FRY: variants seen among roughly 807,000 people sequenced by gnomAD.
FRY encodes the protein FRY microtubule binding protein, also known as protein furry homolog.
A neutral mutation model predicts 348.4 loss-of-function variants in FRY; 128 were observed. The ratio of observed to expected loss-of-function variants is 0.37; its 90% CI spans 0.32 to 0.43. The LOEUF (loss-of-function observed/expected upper bound fraction) is 0.43. FRY is among the 20% of genes least tolerant of loss of function. FRY has a pLI of 1.00. For missense variants in FRY, 2,736 were observed against 3,695.2 expected (o/e 0.74, Z 6.73); for synonymous variants, 1,370 against 1,374.7 (o/e 1.00, Z 0.08).
At chr13:32,206,640 G>C (rs1245218679) in intron 31 of FRY, among the ~76,000 whole-genome samples, 4 of 152,178 alleles carry the variant, frequency 2.6e-5, no homozygotes, top group African/African-American at 7.2e-5. Context: ...GGAGAGAAGA[G>C]AGAAACAGTC....
intron 58 of FRY, among the ~76,000 whole-genome samples, chr13:32,281,471 A>C (rs1888802772): frequency 6.6e-6 from 1 of 152,222 alleles, no homozygotes. Flanking sequence ...TAAGGAGGGA[A>C]GATGCATAAA....
intron 7 of FRY, 136 bp from the exon 8 acceptor site, chr13:32,131,536 C>G: frequency 1.5e-6 from 1 of 678,486 alleles, no homozygotes. Flanking sequence ...CAAATCCTTA[C>G]AAAATCATGG....
chr13:32,245,493 A>T lies in FRY; in HGVS notation c.6828+1311A>T, dbSNP rs145686538. Among the ~76,000 whole-genome samples, 440 of 152,224 alleles carry T rather than the reference A, an allele frequency of 2.9e-3. 5 individuals are homozygous for T. The highest frequency in any genetic ancestry group is 9.7e-3 in the African/African-American group (404 of 41,560). On this transcript the variant is annotated intron_variant, in intron 47 of 60. Transcript: ENST00000542859. ...GCAAGGTGTGGTGGTGCACACCTATAGTCCCAGCTACTTAGGAGGCTGGGG... is the reference window on the plus strand; with the variant it reads ...GCAAGGTGTGGTGGTGCACACCTATTGTCCCAGCTACTTAGGAGGCTGGGG...
chr13:32,261,830 C>T lies in FRY; in HGVS notation c.7617+14C>T. On this transcript the variant is annotated intron_variant, in intron 52 of 60. Coordinates refer to ENST00000542859, the MANE Select transcript of FRY (RefSeq NM_023037.3). ...CACTCAGACCTAGTAAGTAGCGGCT[C>T]TCCCACTCTAAGAATTGGGAGGCTT... 6.2e-7 allele frequency: 1 copy of T among 1,611,642 alleles called. No homozygotes were observed. Among genetic ancestry groups the T allele is most frequent in the Non-Finnish European group, 8.5e-7 (1 of 1,177,730 alleles).
At chr13:32,034,307 T>TTATA (rs963529718) in intron 1 of FRY, among the ~76,000 whole-genome samples, 2 of 152,078 alleles carry the variant, frequency 1.3e-5, no homozygotes, top group Non-Finnish European at 2.9e-5. Flanking sequence ...GAAAATGTAA[T>TTATA]TATATATATA....
intron 51 of FRY, chr13:32,258,012 T>C (rs2520686): frequency 0.55 from 839,697 of 1,525,630 alleles, 235,927 homozygotes; most frequent in Middle Eastern, 0.59. Flanking sequence ...TGCTAGTAGA[T>C]GTTTTGCATC....
intron 31 of FRY, among the ~76,000 whole-genome samples, chr13:32,207,871 TG>T (rs1430833001): frequency 2.0e-5 from 3 of 152,232 alleles, no homozygotes; most frequent in Non-Finnish European, 4.4e-5. Flanking sequence ...ATTGCCACAC[TG>T]GATCATAACA....
At chr13:32,200,223 G>A (rs897747807) in intron 29 of FRY, among the ~76,000 whole-genome samples, 1 of 152,182 alleles carries the variant, frequency 6.6e-6, no homozygotes, top group Non-Finnish European at 1.5e-5. Flanking sequence ...ATTTCAGCAT[G>A]AGTTCTGGTG....
intron 8 of FRY, among the ~76,000 whole-genome samples, chr13:32,132,567 T>C (rs552334106): frequency 6.6e-6 from 1 of 152,260 alleles, no homozygotes; most frequent in East Asian, 1.9e-4. Context: ...CTGGTATGAG[T>C]GCAAAATGGC....
At chr13:32,292,689 G>A (rs575100641) in intron 59 of FRY, among the ~76,000 whole-genome samples, 44 of 152,152 alleles carry the variant, frequency 2.9e-4, no homozygotes, top group Non-Finnish European at 5.4e-4. Context: ...CTACTTGAGA[G>A]GCTGAGGTAA....
At chr13:32,120,774 G>A (rs187642902) in intron 4 of FRY, among the ~76,000 whole-genome samples, 40 of 152,326 alleles carry the variant, frequency 2.6e-4, no homozygotes, top group Non-Finnish European at 5.1e-4. Flanking sequence ...TGATTCTCCT[G>A]CCTCAGCCTC....
At position 32,231,158 on chromosome 13, in the gene FRY, AT is replaced by A; in HGVS notation, c.5406-17del. 2 of 1,611,354 alleles carry A rather than the reference AT, an allele frequency of 1.2e-6. No homozygotes were observed. Among genetic ancestry groups the A allele is most frequent in the Non-Finnish European group, 1.7e-6 (2 of 1,177,646 alleles). ...GCAAAATGACAGTTATATTTTTGAC[AT>A]TTTGTGTGTTTTGTTTAAGGGCATT... On this transcript the variant is annotated intron_variant, in intron 40 of 60. Transcript: ENST00000542859.
In FRY at chr13:32,178,911, A is replaced by G. The variant is rs773146544; in HGVS notation, c.2749A>G (p.Asn917Asp). 10 of 1,613,372 alleles carry G rather than the reference A, an allele frequency of 6.2e-6. No individual in the cohort carries two copies. In the South Asian group the frequency reaches 1.1e-4, roughly 18 times the overall value. The part of the protein sequence containing the change: ...SGDNYVTLWR[N>D]YLILCFGVAK... ...AGACAACTATGTTACTTTGTGGAGA[A>G]ATTACCTAATTCTTTGTTTTGGAGT... The change falls in exon 22 of 61, where the codon AAT becomes GAT. Residue 917 changes from asparagine (N) to aspartate (D), a missense_variant. Asn to Asp is a conservative substitution (Grantham distance 23, BLOSUM62 1). Transcript: ENST00000542859.
At chr13:32,085,957 A>G (rs1344413953) in intron 2 of FRY, 1 of 518,852 alleles carries the variant, frequency 1.9e-6, no homozygotes, top group African/African-American at 1.9e-5. Flanking sequence ...AGAGAAGACA[A>G]CACCCCCAAC....
intron 31 of FRY, among the ~76,000 whole-genome samples, chr13:32,207,280 TAGTGG>T (rs1346424912): frequency 6.6e-6 from 1 of 152,198 alleles, no homozygotes; most frequent in East Asian, 1.9e-4. Flanking sequence ...CAGATCCTTC[TAGTGG>T]AGTTTAAATA....
chr13:32,033,084 T>C (rs549573080), intron 1 of FRY, among the ~76,000 whole-genome samples: 1 of 152,338 alleles, frequency 6.6e-6, no homozygotes, highest in East Asian at 1.9e-4. Context: ...TTTGCACCAC[T>C]GTATACACTA....
At chr13:32,231,398 C>T in intron 41 of FRY, 98 bp downstream of exon 41, 5 of 1,183,060 alleles carry the variant, frequency 4.2e-6, no homozygotes, top group East Asian at 2.3e-5. Flanking sequence ...CGGTCCTGCA[C>T]TCCACATCCA....
chr13:32,052,197 A>C (rs74594112), intron 1 of FRY, among the ~76,000 whole-genome samples: 2,101 of 152,328 alleles, frequency 0.014, 48 homozygotes, highest in African/African-American at 0.048. Context: ...ACCACCTCCC[A>C]GTCTCACCTG....
chr13:32,067,330 C>T (rs1169535569), intron 1 of FRY, among the ~76,000 whole-genome samples: 2 of 151,924 alleles, frequency 1.3e-5, no homozygotes, highest in Non-Finnish European at 2.9e-5. Context: ...TTAGGTTAGA[C>T]ACAAGTCAGA....
Sources: allele counts gnomAD v4.1 joint callset (sites outside exome capture counted in the v4.1 genomes callset), GRCh38; gene constraint gnomAD v4.1.1; transcripts MANE v1.5; gene names NCBI Gene and HGNC (gene_info 2026-07-23, HGNC 2026-07-21).